LRRC4C: variants seen among roughly 807,000 people sequenced by gnomAD.
LRRC4C encodes the protein leucine-rich repeat-containing protein 4C.
Under a neutral mutation model 33.6 loss-of-function variants are expected in LRRC4C, and 5 were observed. The ratio of observed to expected loss-of-function variants is 0.15; its 90% CI spans 0.08 to 0.31. LRRC4C has a LOEUF of 0.31. Ranked by LOEUF, LRRC4C falls within the 10% of genes least tolerant of loss-of-function variation. The pLI is 1.00. For synonymous variants in LRRC4C, 329 were observed against 302.0 expected (o/e 1.09, Z -0.93); for missense variants, 560 against 796.7 (o/e 0.70, Z 3.58).
chr11:41,338,685 C>A (rs1376729234), intron 1 of LRRC4C, among the ~76,000 whole-genome samples: 1 of 152,006 alleles, frequency 6.6e-6, no homozygotes, highest in African/African-American at 2.4e-5. Context: ...GTACACGTAT[C>A]TCTGACCTTA....
chr11:41,180,507 C>G (rs1377412870), intron 1 of LRRC4C, among the ~76,000 whole-genome samples: 1 of 152,154 alleles, frequency 6.6e-6, no homozygotes, highest in Non-Finnish European at 1.5e-5. Context: ...ACATTTAAAA[C>G]AAATGAGAGT....
chr11:41,327,801 T>C (rs1403940549), intron 1 of LRRC4C, among the ~76,000 whole-genome samples: 5 of 152,176 alleles, frequency 3.3e-5, no homozygotes, highest in Admixed American at 3.3e-4. Flanking sequence ...GCGATTCCCC[T>C]GCACACACTC....
At chr11:40,770,523 A>G (rs923345896) in intron 2 of LRRC4C, among the ~76,000 whole-genome samples, 3 of 152,192 alleles carry the variant, frequency 2.0e-5, no homozygotes, top group African/African-American at 7.2e-5. Flanking sequence ...TCACATTTCA[A>G]AACACAATTA....
chr11:41,078,876 C>T (rs1191693776), intron 1 of LRRC4C, among the ~76,000 whole-genome samples: 1 of 152,188 alleles, frequency 6.6e-6, no homozygotes, highest in Non-Finnish European at 1.5e-5. Context: ...GCCACCTCAA[C>T]TACTAATAAC....
At chr11:40,836,501 T>C (rs915848303) in intron 2 of LRRC4C, among the ~76,000 whole-genome samples, 1 of 152,200 alleles carries the variant, frequency 6.6e-6, no homozygotes, top group African/African-American at 2.4e-5. Context: ...TCAAAGATGA[T>C]TGAAAATCAC....
chr11:40,377,247 T>G (rs1052655172), intron 3 of LRRC4C, among the ~76,000 whole-genome samples: 6 of 152,284 alleles, frequency 3.9e-5, no homozygotes, highest in Admixed American at 1.3e-4. Context: ...AGTGGTTTTA[T>G]CACTCTTGTC....
intron 1 of LRRC4C, among the ~76,000 whole-genome samples, chr11:41,048,655 A>G (rs973810615): frequency 6.6e-6 from 1 of 152,056 alleles, no homozygotes; most frequent in Admixed American, 6.6e-5. Context: ...TTATCTGGAA[A>G]CATTTTGTAT....
At chr11:41,259,054 G>A (rs999190637) in intron 1 of LRRC4C, among the ~76,000 whole-genome samples, 2 of 152,032 alleles carry the variant, frequency 1.3e-5, no homozygotes. Flanking sequence ...CGTAAGAGCA[G>A]ACTATATCCT....
chr11:40,158,418 T>A (rs536619808), intron 5 of LRRC4C, among the ~76,000 whole-genome samples: 27 of 151,994 alleles, frequency 1.8e-4, no homozygotes, highest in East Asian at 5.8e-4. Flanking sequence ...AAGGAAAAAA[T>A]TTTAAAAATT....
At chr11:40,626,088 T>C in intron 3 of LRRC4C, among the ~76,000 whole-genome samples, 1 of 152,280 alleles carries the variant, frequency 6.6e-6, no homozygotes, top group South Asian at 2.1e-4. Flanking sequence ...CCTCTCTACC[T>C]TTTGTTACCC....
intron 1 of LRRC4C, among the ~76,000 whole-genome samples, chr11:41,107,261 C>G (rs1333777572): frequency 6.6e-6 from 1 of 151,950 alleles, no homozygotes; most frequent in Non-Finnish European, 1.5e-5. Flanking sequence ...TTAATAAACA[C>G]CTTCTAATGC....
intron 3 of LRRC4C, among the ~76,000 whole-genome samples, chr11:40,414,015 A>G (rs1343019228): frequency 6.6e-6 from 1 of 152,106 alleles, no homozygotes; most frequent in Non-Finnish European, 1.5e-5. Context: ...AATCTATTGT[A>G]TAAATACTAG....
chr11:41,130,184 T>C (rs1942947150), intron 1 of LRRC4C, among the ~76,000 whole-genome samples: 1 of 151,978 alleles, frequency 6.6e-6, no homozygotes, highest in South Asian at 2.1e-4. Flanking sequence ...CTTTCATCTG[T>C]ACAGTATTTT....
intron 5 of LRRC4C, among the ~76,000 whole-genome samples, chr11:40,147,603 C>T (rs981565360): frequency 2.6e-5 from 4 of 151,700 alleles, no homozygotes; most frequent in Admixed American, 1.3e-4. Context: ...AGACCTCTCA[C>T]TTCATGGGGC....
At chr11:40,953,968 A>G (rs533591719) in intron 1 of LRRC4C, among the ~76,000 whole-genome samples, 5 of 152,022 alleles carry the variant, frequency 3.3e-5, no homozygotes, top group African/African-American at 1.2e-4. Context: ...TCATCCAAAG[A>G]AAACTTGGAA....
At chr11:40,363,496 C>T (rs1438260073) in intron 3 of LRRC4C, among the ~76,000 whole-genome samples, 1 of 151,882 alleles carries the variant, frequency 6.6e-6, no homozygotes, top group African/African-American at 2.4e-5. Context: ...ATAATCTGCA[C>T]AAGCAAATCC....
intron 5 of LRRC4C, among the ~76,000 whole-genome samples, chr11:40,218,654 C>CTATCTATCT (rs71060948): frequency 4.2e-5 from 6 of 141,612 alleles, no homozygotes; most frequent in East Asian, 4.3e-4. Flanking sequence ...ATCTATCTAT[C>CTATCTATCT]ATCTATTGCC....
intron 4 of LRRC4C, among the ~76,000 whole-genome samples, chr11:40,245,414 C>T (rs1029210385): frequency 1.3e-5 from 2 of 152,180 alleles, no homozygotes; most frequent in Non-Finnish European, 2.9e-5. Flanking sequence ...CAAAGAGGCA[C>T]TTAGTAAACA....
chr11:40,191,127 A>G (rs1565112563), intron 5 of LRRC4C, among the ~76,000 whole-genome samples: 1 of 152,184 alleles, frequency 6.6e-6, no homozygotes, highest in Non-Finnish European at 1.5e-5. Flanking sequence ...ACAAATGAGG[A>G]AACAGGAGCT....
Sources: allele counts gnomAD v4.1 joint callset (sites outside exome capture counted in the v4.1 genomes callset), GRCh38; gene constraint gnomAD v4.1.1; transcripts MANE v1.5; gene names NCBI Gene and HGNC (gene_info 2026-07-23, HGNC 2026-07-21).